GALNT18: variants seen among roughly 807,000 people sequenced by gnomAD.
GALNT18 encodes the protein GalNAc-transferase 18.
A neutral mutation model predicts 69.5 loss-of-function variants in GALNT18; 44 were observed. The observed-to-expected ratio is 0.63, with a 90% confidence interval of 0.50 to 0.81. The LOEUF (loss-of-function observed/expected upper bound fraction) is 0.81, where lower values mean the gene tolerates loss of function less well. Among genes scored for constraint, GALNT18 ranks in the 40% least tolerant of loss-of-function variants. GALNT18 has a pLI of 0.00. For missense variants in GALNT18, 715 were observed against 810.0 expected, an observed-to-expected ratio of 0.88 and a Z score of 1.42; for synonymous variants, 364 against 318.2, an observed-to-expected ratio of 1.14 and a Z score of -1.53.
At chr11:11,571,370 T>A (rs948902283) in intron 1 of GALNT18, among the ~76,000 whole-genome samples, 5 of 152,230 alleles carry the variant, frequency 3.3e-5, no homozygotes, top group African/African-American at 4.8e-5. Flanking sequence ...GCAATAGGTG[T>A]CTCAGCAGGC....
At chr11:11,559,478 C>G (rs989361043) in intron 1 of GALNT18, among the ~76,000 whole-genome samples, 2 of 152,134 alleles carry the variant, frequency 1.3e-5, no homozygotes, top group Non-Finnish European at 2.9e-5. Flanking sequence ...GGACCTGACA[C>G]CATCTACAAT....
chr11:11,588,114 A>G (rs1367370734), intron 1 of GALNT18, among the ~76,000 whole-genome samples: 1 of 151,882 alleles, frequency 6.6e-6, no homozygotes, highest in Non-Finnish European at 1.5e-5. Flanking sequence ...CCCCAAACCT[A>G]CACACCCATC....
intron 2 of GALNT18, among the ~76,000 whole-genome samples, chr11:11,440,667 G>T (rs1030640098): frequency 6.6e-6 from 1 of 152,208 alleles, no homozygotes; most frequent in African/African-American, 2.4e-5. Flanking sequence ...TACTGCCAGG[G>T]CAGTGCCCTG....
chr11:11,372,415 A>G lies in GALNT18; in HGVS notation c.1092+100T>C. ...GATTCAGGACTGGACATTCAGAATC[A>G]GTCTGTGACCCTCAACCTTAAACCC... On this transcript the variant is annotated intron_variant, in intron 6 of 10. Transcript: ENST00000227756. This position sits in a 1 kb window ranked among gnomAD's most constrained non-coding sequence, Gnocchi z 4.9. The G allele has an allele frequency of 1.2e-6, 1 of 851,676 alleles. No individual in the cohort carries two copies. Among genetic ancestry groups the G allele is most frequent in the Admixed American group, 1.9e-5 (1 of 53,354 alleles). 52.8% of individuals were successfully genotyped at this position (851,676 alleles called of 1,614,324 possible).
intron 6 of GALNT18, among the ~76,000 whole-genome samples, chr11:11,367,992 A>G (rs781369664): frequency 5.8e-4 from 89 of 152,330 alleles, no homozygotes; most frequent in Middle Eastern, 3.4e-3. Context: ...TCTAGAAGAA[A>G]GAGATACAAG....
chr11:11,401,139 C>T (rs954132268), intron 3 of GALNT18, among the ~76,000 whole-genome samples: 2 of 152,176 alleles, frequency 1.3e-5, no homozygotes, highest in Non-Finnish European at 2.9e-5. Context: ...ATCTGACCCA[C>T]TGCAGGTCCC....
chr11:11,552,917 C>A (rs1055085780), intron 1 of GALNT18, among the ~76,000 whole-genome samples: 1 of 152,180 alleles, frequency 6.6e-6, no homozygotes, highest in Non-Finnish European at 1.5e-5. Context: ...CATTCCTGAG[C>A]CACTCCAGAC....
At position 11,288,948 on chromosome 11, in the gene GALNT18, AT is replaced by A. The variant is rs1340678107; in HGVS notation, c.1677+4080del. On this transcript the variant is annotated intron_variant, in intron 10 of 10. Coordinates refer to ENST00000227756, the MANE Select transcript of GALNT18 (RefSeq NM_198516.3). Reference sequence around the variant, plus strand: ...GAGCTTAAATGTGGTCCTCAGGAGAATAAATAGTGCATAATGTGAAACCAGA... The same window carrying A: ...GAGCTTAAATGTGGTCCTCAGGAGAAAAATAGTGCATAATGTGAAACCAGA... Among the ~76,000 whole-genome samples, 6 of 152,346 alleles carry A rather than the reference AT, an allele frequency of 3.9e-5. No homozygotes were observed. In the East Asian group the frequency reaches 9.6e-4, roughly 24 times the overall value.
intron 5 of GALNT18, among the ~76,000 whole-genome samples, chr11:11,373,561 C>A (rs942054151): frequency 6.6e-6 from 1 of 152,134 alleles, no homozygotes; most frequent in Non-Finnish European, 1.5e-5. Flanking sequence ...GAGGAGATAG[C>A]CAACAGGCAG....
intron 1 of GALNT18, among the ~76,000 whole-genome samples, chr11:11,545,689 C>T (rs1858038790): frequency 6.6e-6 from 1 of 152,198 alleles, no homozygotes; most frequent in Non-Finnish European, 1.5e-5. Flanking sequence ...GAGGTTTTAG[C>T]AGCTGGAGTG....
Position 11,432,244 on chromosome 11 carries a change from A to C in GALNT18, c.595+377T>G, listed in dbSNP as rs1855281547. On this transcript the variant is annotated intron_variant, in intron 3 of 10. Coordinates refer to ENST00000227756, the MANE Select transcript of GALNT18 (RefSeq NM_198516.3). The surrounding 1 kb of genome is among the most constrained non-coding windows in gnomAD (Gnocchi z 5.8). ...CACTGCTAACATAACACCAGTGAACAATCTTCCAGGCAGAGGCTGTGGAAC... is the reference window on the plus strand; with the variant it reads ...CACTGCTAACATAACACCAGTGAACCATCTTCCAGGCAGAGGCTGTGGAAC... 6.6e-6 allele frequency among the ~76,000 whole-genome samples: 1 copy of C among 152,230 alleles called. No homozygotes were observed. The highest frequency in any genetic ancestry group is 2.1e-4 in the South Asian group (1 of 4,822).
At chr11:11,558,271 T>C (rs1590097829) in intron 1 of GALNT18, among the ~76,000 whole-genome samples, 1 of 152,214 alleles carries the variant, frequency 6.6e-6, no homozygotes, top group Non-Finnish European at 1.5e-5. Context: ...CTCTGAAAAA[T>C]GATGATTAAA....
At chr11:11,342,577 G>T (rs966428833) in intron 6 of GALNT18, among the ~76,000 whole-genome samples, 2 of 152,222 alleles carry the variant, frequency 1.3e-5, no homozygotes, top group Admixed American at 6.5e-5. Flanking sequence ...GAGTTGGAAG[G>T]TGGCTTACTG....
rs150667558 is a variant in GALNT18, at chr11:11,346,286, C to A, written c.1093-5282G>T. Reference sequence around the variant, plus strand: ...CCACTGTATACATCAGCACCTGCCACTTAGTCTATATTCAATAACTATTAT... The same window carrying A: ...CCACTGTATACATCAGCACCTGCCAATTAGTCTATATTCAATAACTATTAT... On this transcript the variant is annotated intron_variant, in intron 6 of 10. Transcript: ENST00000227756. Among the ~76,000 whole-genome samples, 3 of 152,338 alleles carry A rather than the reference C, an allele frequency of 2.0e-5. No homozygotes were observed. The East Asian group carries it at 5.8e-4, about 29-fold the overall frequency.
At chr11:11,589,772 C>A (rs1001871749) in intron 1 of GALNT18, among the ~76,000 whole-genome samples, 2 of 152,152 alleles carry the variant, frequency 1.3e-5, no homozygotes, top group African/African-American at 2.4e-5. Flanking sequence ...GAGTTGGCTG[C>A]TCACAAAAAT....
At chr11:11,483,766 G>T (rs1324792054) in intron 1 of GALNT18, among the ~76,000 whole-genome samples, 1 of 152,338 alleles carries the variant, frequency 6.6e-6, no homozygotes, top group East Asian at 1.9e-4. Flanking sequence ...GGGAGGGCAG[G>T]TGATGGGGGC....
chr11:11,584,330 A>ATG lies in GALNT18; in HGVS notation c.235+37028_235+37029insCA. 6.6e-6 allele frequency among the ~76,000 whole-genome samples: 1 copy of ATG among 152,328 alleles called. No homozygotes were observed. The highest frequency in any genetic ancestry group is 2.1e-4 in the South Asian group (1 of 4,824). On this transcript the variant is annotated intron_variant, in intron 1 of 10. Coordinates refer to ENST00000227756, the MANE Select transcript of GALNT18 (RefSeq NM_198516.3). This position sits in a 1 kb window ranked among gnomAD's most constrained non-coding sequence, Gnocchi z 4.1. ...AAATAAATAACACCTTGCAAACACAAGGGGACAGTTTGTATTTTAAAGTCT... is the reference window on the plus strand; with the variant it reads ...AAATAAATAACACCTTGCAAACACAATGGGGGACAGTTTGTATTTTAAAGTCT...
intron 1 of GALNT18, among the ~76,000 whole-genome samples, chr11:11,486,645 G>T (rs1031710138): frequency 1.3e-5 from 2 of 152,202 alleles, no homozygotes; most frequent in South Asian, 2.1e-4. Flanking sequence ...CCTCCATGAA[G>T]ATATGTCTGA....
intron 1 of GALNT18, among the ~76,000 whole-genome samples, chr11:11,532,828 C>G (rs780720273): frequency 2.0e-5 from 3 of 152,232 alleles, no homozygotes; most frequent in Admixed American, 6.5e-5. Flanking sequence ...ATCCCTCAGC[C>G]TACTCTCTTG....
Sources: allele counts gnomAD v4.1 joint callset (sites outside exome capture counted in the v4.1 genomes callset), GRCh38; gene constraint gnomAD v4.1.1; non-coding constraint Gnocchi (gnomAD v3.1); transcripts MANE v1.5; gene names NCBI Gene and HGNC (gene_info 2026-07-23, HGNC 2026-07-21).